Variants in ELL observed in about 807,000 individuals in gnomAD.
The protein encoded by ELL is RNA polymerase II elongation factor ELL.
A neutral mutation model predicts 64.0 loss-of-function variants in ELL; 18 were observed. That is an observed-to-expected ratio of 0.28 (90% CI 0.19 to 0.42). The LOEUF (loss-of-function observed/expected upper bound fraction) is 0.42, where lower values mean the gene tolerates loss of function less well. Among genes scored for constraint, ELL ranks in the 10% least tolerant of loss-of-function variants. ELL has a pLI of 1.00. For synonymous variants in ELL, 399 were observed against 376.2 expected, an observed-to-expected ratio of 1.06 and a Z score of -0.70; for missense variants, 797 against 870.4, an observed-to-expected ratio of 0.92 and a Z score of 1.06.
At chr19:18,495,976 T>G (rs887851397) in intron 1 of ELL, among the ~76,000 whole-genome samples, 1 of 152,196 alleles carries the variant, frequency 6.6e-6, no homozygotes, top group Admixed American at 6.5e-5. Flanking sequence ...GCCCCTACCC[T>G]ACCTGCTCCA....
intron 1 of ELL, among the ~76,000 whole-genome samples, chr19:18,516,257 T>C (rs271626): frequency 0.47 from 71,021 of 151,864 alleles, 19,235 homozygotes; most frequent in African/African-American, 0.76. Context: ...CCAGAAGAGC[T>C]GAGTACTGGC....
chr19:18,490,722 C>T lies in ELL; in HGVS notation c.136-17840G>A, dbSNP rs138531607. On this transcript the variant is annotated intron_variant, in intron 1 of 11. Transcript: ENST00000262809. ...CACCCTCATCAGCCGTGAGCTCTGACGGCCCAGACAGCGCTGCCCCGTGCC... is the reference window on the plus strand; with the variant it reads ...CACCCTCATCAGCCGTGAGCTCTGATGGCCCAGACAGCGCTGCCCCGTGCC... Among the ~76,000 whole-genome samples, 1,011 of 152,266 alleles carry T rather than the reference C, an allele frequency of 6.6e-3. 13 individuals carry two copies. Among genetic ancestry groups the T allele is most frequent in the African/African-American group, 0.023 (951 of 41,540 alleles).
intron 6 of ELL, among the ~76,000 whole-genome samples, chr19:18,457,778 C>T (rs932835222): frequency 3.9e-5 from 6 of 152,144 alleles, no homozygotes; most frequent in Admixed American, 3.3e-4. Context: ...CCTGCCCTGC[C>T]GGGAGTGTCG....
intron 1 of ELL, among the ~76,000 whole-genome samples, chr19:18,484,773 A>C (rs1975377006): frequency 6.6e-6 from 1 of 152,212 alleles, no homozygotes; most frequent in Non-Finnish European, 1.5e-5. Flanking sequence ...TTTTCTTTTT[A>C]ATCATTCACT....
chr19:18,451,615 G>T lies in ELL; in HGVS notation c.903C>A (p.Leu301=). The change falls in exon 7 of 12, where the codon CTC becomes CTA. Residue 301 remains leucine, a synonymous_variant. Coordinates refer to ENST00000262809, the MANE Select transcript of ELL (RefSeq NM_006532.4). ...KLCQPQSTGS[L]LGDPAASSPP... ...GGCTGGAGGCAGCAGGGTCTCCAAG[G>T]AGGCTGCCAGTGCTCTGTGGCTGGC... is the stretch of plus-strand genomic sequence containing the variant. 1 of 1,506,268 alleles carries T rather than the reference G, an allele frequency of 6.6e-7. No individual in the cohort carries two copies. The allele number at this position is 1,506,268 out of a possible 1,614,324, so 93.3% of individuals were successfully genotyped here. A position where few individuals can be genotyped will look rare whatever the true frequency, so the allele number is the denominator to read the frequency against.
chr19:18,461,497 T>C, intron 5 of ELL, 81 bp downstream of exon 5: 1 of 1,528,500 alleles, frequency 6.5e-7, no homozygotes, highest in Non-Finnish European at 8.8e-7. Flanking sequence ...AATCCCAGTC[T>C]CCATGCTCTG....
At chr19:18,445,735 C>G (rs973635415) in intron 10 of ELL, among the ~76,000 whole-genome samples, 1 of 152,042 alleles carries the variant, frequency 6.6e-6, no homozygotes, top group Admixed American at 6.5e-5. Context: ...TCACCAGTTC[C>G]GAAAGGTGGC....
At chr19:18,520,604 A>C (rs1372702707) in intron 1 of ELL, among the ~76,000 whole-genome samples, 1 of 152,028 alleles carries the variant, frequency 6.6e-6, no homozygotes, top group East Asian at 1.9e-4. Context: ...GGTGGAAACG[A>C]AACAGGGGGA....
intron 1 of ELL, among the ~76,000 whole-genome samples, chr19:18,520,391 G>A (rs1976238074): frequency 6.6e-6 from 1 of 152,184 alleles, no homozygotes; most frequent in African/African-American, 2.4e-5. Flanking sequence ...GCCAGCAGCT[G>A]CTGTCGCTGC....
chr19:18,506,254 T>C (rs1051681963), intron 1 of ELL, among the ~76,000 whole-genome samples: 2 of 152,232 alleles, frequency 1.3e-5, no homozygotes, highest in African/African-American at 2.4e-5. Flanking sequence ...GCCTGGGCCC[T>C]GTCTCCCGCA....
At chr19:18,489,339 C>T (rs903565125) in intron 1 of ELL, among the ~76,000 whole-genome samples, 2 of 152,154 alleles carry the variant, frequency 1.3e-5, no homozygotes, top group Non-Finnish European at 1.5e-5. Flanking sequence ...ACCACTTGAC[C>T]GCGGACAGAT....
intron 7 of ELL, 55 bp from the exon 8 acceptor site, chr19:18,451,030 C>G: frequency 6.8e-7 from 1 of 1,472,838 alleles, no homozygotes; most frequent in Non-Finnish European, 9.0e-7. Context: ...TGAGCAGCAA[C>G]AGGCAATCCC....
chr19:18,466,897 CGCGGGAGAGACTGTG>C (rs1177680347), intron 2 of ELL, among the ~76,000 whole-genome samples: 7 of 152,198 alleles, frequency 4.6e-5, no homozygotes, highest in Non-Finnish European at 8.8e-5. Context: ...ACACCATGAG[CGCGGGAGAGACTGTG>C]GCTGAATCTC....
intron 9 of ELL, 96 bp from the exon 10 acceptor site, chr19:18,446,576 C>G (rs1021187996): frequency 4.6e-6 from 7 of 1,521,324 alleles, no homozygotes; most frequent in Non-Finnish European, 6.2e-6. Context: ...CCTGGCCTCT[C>G]GGGTGATTCC....
At chr19:18,503,192 G>A (rs1046816188) in intron 1 of ELL, among the ~76,000 whole-genome samples, 15 of 152,266 alleles carry the variant, frequency 9.9e-5, no homozygotes, top group Admixed American at 8.5e-4. Context: ...GTGGTCTGGA[G>A]AGTGTCCAGT....
At chr19:18,488,773 CCTTG>C (rs1362062281) in intron 1 of ELL, among the ~76,000 whole-genome samples, 3 of 152,192 alleles carry the variant, frequency 2.0e-5, no homozygotes, top group East Asian at 1.9e-4. Context: ...AAGCCAGGTG[CCTTG>C]CTTAAGGCCA....
chr19:18,494,246 G>A (rs920344632), intron 1 of ELL, among the ~76,000 whole-genome samples: 1 of 151,846 alleles, frequency 6.6e-6, no homozygotes, highest in Non-Finnish European at 1.5e-5. Flanking sequence ...TTTAAAAAGA[G>A]GGGAGGGGAA....
intron 7 of ELL, among the ~76,000 whole-genome samples, 177 bp from the exon 8 acceptor site, chr19:18,451,152 C>A (rs1162351758): frequency 1.3e-5 from 2 of 152,190 alleles, no homozygotes; most frequent in Non-Finnish European, 2.9e-5. Context: ...TCAGCTGGGG[C>A]CCATCAGCCT....
At chr19:18,509,586 C>CGA (rs1555739224) in intron 1 of ELL, among the ~76,000 whole-genome samples, 3 of 118,296 alleles carry the variant, frequency 2.5e-5, no homozygotes, top group Admixed American at 8.1e-5. Flanking sequence ...TGCACGTGCG[C>CGA]GCGCGCGCAC....
Sources: allele counts gnomAD v4.1 joint callset (sites outside exome capture counted in the v4.1 genomes callset), GRCh38; gene constraint gnomAD v4.1.1; transcripts MANE v1.5; gene names NCBI Gene and HGNC (gene_info 2026-07-23, HGNC 2026-07-21).